GRM7: variants seen among roughly 807,000 people sequenced by gnomAD.
The protein encoded by GRM7 is glutamate metabotropic receptor 7.
A neutral mutation model predicts 84.5 loss-of-function variants in GRM7; 35 were observed. The observed-to-expected ratio is 0.41, with a 90% CI of 0.32 to 0.55. The LOEUF (loss-of-function observed/expected upper bound fraction) is 0.55, where lower values mean the gene tolerates loss of function less well. Ranked by LOEUF, GRM7 falls within the 20% of genes least tolerant of loss-of-function variation. The pLI, the probability that GRM7 is intolerant of heterozygous loss-of-function variation, is 0.19. For missense variants in GRM7, 1,003 were observed against 1,194.6 expected (o/e 0.84, Z 2.36); for synonymous variants, 487 against 455.1 (o/e 1.07, Z -0.89).
intron 4 of GRM7, among the ~76,000 whole-genome samples, chr3:7,347,329 G>C (rs1347508350): frequency 6.6e-6 from 1 of 152,064 alleles, no homozygotes; most frequent in Non-Finnish European, 1.5e-5. Context: ...ATGTTCTTGA[G>C]CAAAAGGATA....
chr3:7,240,193 C>T (rs1355296241), intron 2 of GRM7, among the ~76,000 whole-genome samples: 1 of 119,848 alleles, frequency 8.3e-6, no homozygotes, highest in Non-Finnish European at 1.6e-5. Flanking sequence ...GAGAAAGCAG[C>T]GGCTTCTATA....
intron 1 of GRM7, among the ~76,000 whole-genome samples, chr3:6,865,599 C>T (rs551699464): frequency 6.6e-6 from 1 of 151,042 alleles, no homozygotes; most frequent in Non-Finnish European, 1.5e-5. Context: ...GCGGTCAACT[C>T]TACCCTTGTC....
intron 4 of GRM7, among the ~76,000 whole-genome samples, chr3:7,354,987 C>A (rs1420742609): frequency 6.6e-6 from 1 of 152,142 alleles, no homozygotes; most frequent in African/African-American, 2.4e-5. Context: ...CGCAAGATAT[C>A]TCAACAGTCT....
At chr3:7,440,915 A>G (rs1697261043) in intron 5 of GRM7, among the ~76,000 whole-genome samples, 1 of 152,156 alleles carries the variant, frequency 6.6e-6, no homozygotes, top group South Asian at 2.1e-4. Context: ...ATACAAGTCA[A>G]TGCCATGTCT....
intron 1 of GRM7, among the ~76,000 whole-genome samples, chr3:6,894,972 ATAACAAG>A (rs1182597312): frequency 6.6e-6 from 1 of 152,180 alleles, no homozygotes; most frequent in Non-Finnish European, 1.5e-5. Flanking sequence ...CTTTGATCCT[ATAACAAG>A]TAACAATTTC....
At chr3:7,207,759 A>G (rs1696286852) in intron 2 of GRM7, among the ~76,000 whole-genome samples, 1 of 152,224 alleles carries the variant, frequency 6.6e-6, no homozygotes, top group South Asian at 2.1e-4. Context: ...TAGTAGATAT[A>G]TCAGATTTTT....
At chr3:7,257,432 C>A (rs1448282842) in intron 2 of GRM7, among the ~76,000 whole-genome samples, 1 of 152,036 alleles carries the variant, frequency 6.6e-6, no homozygotes, top group African/African-American at 2.4e-5. Flanking sequence ...ATCTGCTTAC[C>A]CCATACTAAA....
chr3:7,204,490 A>G (rs927948313), intron 2 of GRM7, among the ~76,000 whole-genome samples: 4 of 152,138 alleles, frequency 2.6e-5, no homozygotes, highest in Non-Finnish European at 5.9e-5. Context: ...TCCTGAGTCC[A>G]TTGTGGACAA....
intron 1 of GRM7, among the ~76,000 whole-genome samples, chr3:7,077,857 T>C (rs188343708): frequency 2.6e-5 from 4 of 152,338 alleles, no homozygotes; most frequent in African/African-American, 7.2e-5. Flanking sequence ...TACCACTTTA[T>C]ATATGGCTCT....
At chr3:7,282,061 C>A (rs1238966805) in intron 2 of GRM7, among the ~76,000 whole-genome samples, 1 of 152,008 alleles carries the variant, frequency 6.6e-6, no homozygotes, top group Non-Finnish European at 1.5e-5. Context: ...CCAGCCTGGG[C>A]GACAGGATGA....
intron 4 of GRM7, among the ~76,000 whole-genome samples, chr3:7,350,899 G>C (rs1575204950): frequency 6.6e-6 from 1 of 152,182 alleles, no homozygotes; most frequent in Non-Finnish European, 1.5e-5. Flanking sequence ...AAGAGTGCAA[G>C]ACAATATGAC....
chr3:6,936,205 C>T (rs1285626291), intron 1 of GRM7, among the ~76,000 whole-genome samples: 3 of 152,224 alleles, frequency 2.0e-5, no homozygotes, highest in African/African-American at 7.2e-5. Flanking sequence ...GCAGTGCACA[C>T]AACTCCCATA....
At chr3:7,087,099 G>C (rs1351991868) in intron 1 of GRM7, among the ~76,000 whole-genome samples, 5 of 152,106 alleles carry the variant, frequency 3.3e-5, no homozygotes, top group Admixed American at 3.3e-4. Flanking sequence ...ACTTTTTTTA[G>C]GGGTAATGTT....
Position 7,374,644 on chromosome 3 carries a change from A to AT in GRM7, c.1034-40361dup, listed in dbSNP as rs569869343. On this transcript the variant is annotated intron_variant, in intron 4 of 9. Transcript: ENST00000357716. ...CAGGTGCCCGCCACCATACCTGGCCATTTTTTTTTTTTTTTTTTGTATTTT... is the reference window on the plus strand; with the variant it reads ...CAGGTGCCCGCCACCATACCTGGCCATTTTTTTTTTTTTTTTTTTGTATTTT... Among the ~76,000 whole-genome samples, 684 of 130,988 alleles carry AT rather than the reference A, an allele frequency of 5.2e-3. 1 individual carries two copies. The highest frequency in any genetic ancestry group is 0.017 in the South Asian group (69 of 3,984). The allele number at this position is 130,988 out of a possible 152,430, so 85.9% of individuals were successfully genotyped here.
chr3:7,372,051 G>A (rs557605454), intron 4 of GRM7, among the ~76,000 whole-genome samples: 92 of 152,248 alleles, frequency 6.0e-4, no homozygotes, highest in Non-Finnish European at 1.1e-3. Flanking sequence ...GAGAGGTCCA[G>A]TCAGACATTC....
At position 7,343,399 on chromosome 3, in the gene GRM7, A is replaced by G. The variant is rs564461196; in HGVS notation, c.1033+36747A>G. Among the ~76,000 whole-genome samples, 12 of 152,050 alleles carry G rather than the reference A, an allele frequency of 7.9e-5. No homozygotes were observed. The East Asian group carries it at 2.3e-3, about 30-fold the overall frequency. On this transcript the variant is annotated intron_variant, in intron 4 of 9. Coordinates refer to ENST00000357716, the MANE Select transcript of GRM7 (RefSeq NM_000844.4). Reference sequence around the variant, plus strand: ...CAGGGATGTATTTTTATTTTTGTGGAGACGGGGTCTCACTATGTTGCCCAG... The same window carrying G: ...CAGGGATGTATTTTTATTTTTGTGGGGACGGGGTCTCACTATGTTGCCCAG...
intron 2 of GRM7, among the ~76,000 whole-genome samples, chr3:7,282,767 T>C (rs749418851): frequency 1.8e-4 from 28 of 152,204 alleles, no homozygotes; most frequent in Non-Finnish European, 3.4e-4. Context: ...TAAAGCTGTA[T>C]TATGAAACAT....
intron 2 of GRM7, among the ~76,000 whole-genome samples, chr3:7,243,708 T>C (rs546709132): frequency 1.3e-5 from 2 of 152,212 alleles, no homozygotes; most frequent in South Asian, 2.1e-4. Flanking sequence ...AATACATTCA[T>C]TCTAAGAGAC....
chr3:7,091,708 CTTAA>C (rs772283763), intron 1 of GRM7, among the ~76,000 whole-genome samples: 2 of 145,232 alleles, frequency 1.4e-5, no homozygotes, highest in African/African-American at 2.6e-5. Context: ...ATATAAATAA[CTTAA>C]TTAAAGCCAG....
Sources: allele counts gnomAD v4.1 joint callset (sites outside exome capture counted in the v4.1 genomes callset), GRCh38; gene constraint gnomAD v4.1.1; transcripts MANE v1.5; gene names NCBI Gene and HGNC (gene_info 2026-07-23, HGNC 2026-07-21).